The following DNAJC2 variants were observed in gnomAD, a reference collection of about 807,000 sequenced individuals.
DNAJC2 encodes DnaJ heat shock protein family (Hsp40) member C2, also known as dnaJ homolog subfamily C member 2.
A neutral mutation model predicts 94.0 loss-of-function variants in DNAJC2; 32 were observed. That is an observed-to-expected ratio of 0.34 (90% CI 0.26 to 0.46). DNAJC2 has a LOEUF of 0.46. Among genes scored for constraint, DNAJC2 ranks in the 20% least tolerant of loss-of-function variants. The pLI is 1.00. For synonymous variants in DNAJC2, 210 were observed against 229.7 expected (o/e 0.91, Z 0.77); for missense variants, 550 against 719.5 (o/e 0.76, Z 2.69).
intron 9 of DNAJC2, 112 bp downstream of exon 9, chr7:103,322,399 C>T: frequency 9.0e-7 from 1 of 1,116,374 alleles, no homozygotes; most frequent in Non-Finnish European, 1.2e-6. Context: ...CAGTAGCACC[C>T]AATTCTCTGC....
In DNAJC2 at chr7:103,327,718, C is replaced by T. The variant is rs772075436; in HGVS notation, c.368G>A (p.Arg123Gln). The T allele has an allele frequency of 2.5e-5, 40 of 1,613,290 alleles. No homozygotes were observed. The highest frequency in any genetic ancestry group is 3.3e-5 in the Non-Finnish European group (39 of 1,179,736). The stretch of plus-strand genomic sequence containing the variant: ...TTTTATTGGTTCACCAGCTGCTTTC[C>T]GTTTGTCTGGGTGATGTTTTAAAAC... ...AMVLKHHPDK[R>Q]KAAGEPIKEG... Residue 123 changes from arginine (R) to glutamine (Q), a missense_variant, in exon 4 of 17, where the codon CGG becomes CAG. Physicochemically the swap from Arg to Gln is conservative, Grantham distance 43. Transcript: ENST00000379263.
At chr7:103,338,712 C>A (rs1335943097) in intron 2 of DNAJC2, among the ~76,000 whole-genome samples, 4 of 151,804 alleles carry the variant, frequency 2.6e-5, no homozygotes, top group African/African-American at 9.7e-5. Context: ...GAGTTTGAGA[C>A]CAGCCTGGCT....
intron 5 of DNAJC2, among the ~76,000 whole-genome samples, chr7:103,325,041 G>C (rs1464652852): frequency 6.6e-6 from 1 of 152,126 alleles, no homozygotes; most frequent in East Asian, 1.9e-4. Context: ...GCACTTCATT[G>C]ATCACTGGTG....
At chr7:103,314,487 T>C in intron 15 of DNAJC2, 1 of 985,272 alleles carries the variant, frequency 1.0e-6, no homozygotes, top group South Asian at 4.7e-5. Context: ...ACTGGACAAA[T>C]ATCAGGGCCC....
intron 10 of DNAJC2, among the ~76,000 whole-genome samples, chr7:103,320,113 C>T (rs907837706): frequency 3.3e-5 from 5 of 152,078 alleles, no homozygotes; most frequent in African/African-American, 4.8e-5. Flanking sequence ...TTCTTTGAGA[C>T]GGAGTCTCAC....
intron 12 of DNAJC2, among the ~76,000 whole-genome samples, chr7:103,317,567 C>G (rs942405171): frequency 1.3e-5 from 2 of 152,182 alleles, no homozygotes; most frequent in African/African-American, 2.4e-5. Flanking sequence ...CCTTCAATCC[C>G]TTAGAACCAG....
chr7:103,343,474 T>C (rs1235508072), intron 1 of DNAJC2, among the ~76,000 whole-genome samples: 1 of 152,214 alleles, frequency 6.6e-6, no homozygotes, highest in Admixed American at 6.5e-5. Context: ...CTCTGGGTTT[T>C]AGACTAGGTC....
intron 4 of DNAJC2, chr7:103,327,363 G>C (rs2115945768): frequency 1.6e-6 from 2 of 1,270,756 alleles, no homozygotes; most frequent in South Asian, 1.3e-5. Flanking sequence ...CTTCTGATAA[G>C]AATCACCTGG....
At chr7:103,320,616 C>T (rs193257775) in intron 10 of DNAJC2, among the ~76,000 whole-genome samples, 135 of 150,596 alleles carry the variant, frequency 9.0e-4, no homozygotes, top group African/African-American at 2.7e-3. Context: ...AAAAATTAGC[C>T]GGGCGTGGTC....
rs796409569 is a variant in DNAJC2 at position 103,312,740 on chromosome 7, A to G, written c.1792-97T>C. 1.6e-5 allele frequency: 25 copies of G among 1,547,288 alleles called. No individual in the cohort carries two copies. In the African/African-American group the frequency reaches 2.8e-4, roughly 17 times the overall value. ...TAAAGAATTCAAGCAACTAAGATAG[A>G]TAGTACTAAATATACTGATTTCATT... On this transcript the variant is annotated intron_variant, in intron 16 of 16. Transcript: ENST00000379263.
In DNAJC2 at chr7:103,312,402, A is replaced by G; in HGVS notation, c.*167T>C. 6.6e-7 allele frequency: 1 copy of G among 1,515,106 alleles called. No homozygotes were observed. Among genetic ancestry groups the G allele is most frequent in the Non-Finnish European group, 8.8e-7 (1 of 1,140,906 alleles). 93.9% of individuals were successfully genotyped at this position (1,515,106 alleles called of 1,614,324 possible). On this transcript the variant is annotated 3_prime_UTR_variant, in exon 17 of 17. Transcript: ENST00000379263. The stretch of plus-strand genomic sequence containing the variant: ...TATCATACTTTCAAAGGATAAAAAG[A>G]CTACCCCTCTGAAGGTTGTTTTGTA...
chr7:103,335,315 T>G (rs750723842), intron 3 of DNAJC2: 9 of 152,190 alleles, frequency 5.9e-5, no homozygotes, highest in Non-Finnish European at 1.0e-4. Flanking sequence ...TTTTAACTTT[T>G]AGATAGATTT....
At chr7:103,337,972 G>A (rs150302485) in intron 2 of DNAJC2, among the ~76,000 whole-genome samples, 161 bp from the exon 3 acceptor site, 1 of 152,300 alleles carries the variant, frequency 6.6e-6, no homozygotes, top group African/African-American at 2.4e-5. Flanking sequence ...GTAAGGTTGA[G>A]AAATGTGGAT....
chr7:103,331,354 T>C (rs1818962057), intron 3 of DNAJC2, among the ~76,000 whole-genome samples: 2 of 152,278 alleles, frequency 1.3e-5, no homozygotes, highest in East Asian at 3.8e-4. Flanking sequence ...TATTTCTATG[T>C]ATTGTGAACA....
At chr7:103,328,784 G>A in intron 3 of DNAJC2, 1 of 279,656 alleles carries the variant, frequency 3.6e-6, no homozygotes, top group South Asian at 3.3e-5. Flanking sequence ...GCTTAATACA[G>A]TATTTCAAGT....
At chr7:103,344,312 G>A (rs1819511752) in intron 1 of DNAJC2, 1 of 578,386 alleles carries the variant, frequency 1.7e-6, no homozygotes, top group African/African-American at 1.9e-5. Flanking sequence ...CCCAATCCAT[G>A]AGTCAGCAGC....
intron 3 of DNAJC2, 37 bp downstream of exon 3, chr7:103,337,699 A>G (rs1197914995): frequency 6.6e-6 from 10 of 1,512,244 alleles, no homozygotes; most frequent in African/African-American, 1.4e-5. Context: ...GTTCCTATAC[A>G]AGATATTTGA....
At chr7:103,334,579 A>G (rs1404109852) in intron 3 of DNAJC2, among the ~76,000 whole-genome samples, 1 of 151,676 alleles carries the variant, frequency 6.6e-6, no homozygotes, top group Non-Finnish European at 1.5e-5. Context: ...GTCTTAAAAA[A>G]AAAAAGAAAA....
At chr7:103,318,557 AAGGTTCTTCTC>A (rs1490873714) in intron 12 of DNAJC2, among the ~76,000 whole-genome samples, 1 of 152,064 alleles carries the variant, frequency 6.6e-6, no homozygotes, top group South Asian at 2.1e-4. Context: ...TTTGGTCCTT[AAGGTTCTTCTC>A]AGGTTCTTCT....
Sources: gnomAD v4.1 joint callset for allele counts (sites outside exome capture counted in the v4.1 genomes callset) on GRCh38, gnomAD v4.1.1 for gene constraint, MANE v1.5 for transcripts, NCBI Gene and HGNC (gene_info 2026-07-23, HGNC 2026-07-21) for gene names.